Variants in NUBPL observed in about 807,000 individuals in gnomAD.
NUBPL encodes the protein NUBP iron-sulfur cluster assembly factor, mitochondrial.
A neutral mutation model predicts 45.7 loss-of-function variants in NUBPL; 31 were observed. That is an observed-to-expected ratio of 0.68 (90% confidence interval 0.51 to 0.92). The LOEUF is 0.92. Ranked by LOEUF, NUBPL falls within the 40% of genes least tolerant of loss-of-function variation. The pLI, the probability that NUBPL is intolerant of heterozygous loss-of-function variation, is 0.00. For missense variants in NUBPL, 401 were observed against 398.7 expected (o/e 1.01, Z -0.05); for synonymous variants, 144 against 140.9 (o/e 1.02, Z -0.15).
chr14:31,791,483 A>C (rs1468960937), intron 7 of NUBPL, among the ~76,000 whole-genome samples: 2 of 152,128 alleles, frequency 1.3e-5, no homozygotes, highest in African/African-American at 4.8e-5. Context: ...AATTTGATGA[A>C]AACTCTGGAT....
chr14:31,569,740 A>G (rs141645805), intron 3 of NUBPL, among the ~76,000 whole-genome samples: 2 of 152,204 alleles, frequency 1.3e-5, no homozygotes, highest in African/African-American at 4.8e-5. Context: ...TCATGTTGTT[A>G]GCTTGAAATA....
chr14:31,832,716 A>G (rs1315664509), intron 8 of NUBPL, among the ~76,000 whole-genome samples: 1 of 152,222 alleles, frequency 6.6e-6, no homozygotes, highest in Non-Finnish European at 1.5e-5. Flanking sequence ...ATAGGAAACT[A>G]CTTGCAGAGG....
At chr14:31,582,796 T>G (rs1566427243) in intron 3 of NUBPL, among the ~76,000 whole-genome samples, 1 of 152,100 alleles carries the variant, frequency 6.6e-6, no homozygotes, top group African/African-American at 2.4e-5. Flanking sequence ...ATAGTAGAAA[T>G]TGTTTTGTAA....
intron 4 of NUBPL, among the ~76,000 whole-genome samples, chr14:31,637,615 C>T (rs1312572696): frequency 6.6e-6 from 1 of 152,112 alleles, no homozygotes; most frequent in Non-Finnish European, 1.5e-5. Context: ...CCACTTGGTG[C>T]AGAGCTGAGT....
intron 6 of NUBPL, among the ~76,000 whole-genome samples, chr14:31,759,808 A>G (rs2038758305): frequency 6.6e-6 from 1 of 151,004 alleles, no homozygotes; most frequent in African/African-American, 2.4e-5. Context: ...TATTCAGTAC[A>G]TTACATGAGA....
rs1158198241 is a variant in NUBPL at position 31,798,357 on chromosome 14, T to C, written c.607+10484T>C. 2.0e-5 allele frequency among the ~76,000 whole-genome samples: 3 copies of C among 149,236 alleles called. No homozygotes were observed. The Admixed American group carries it at 2.1e-4, about 10-fold the overall frequency. Reference sequence around the variant, plus strand: ...ATATAATATCCATGTGGTCAGTTGATGCCTTTTAGTATTCCCTTTGTTTTA... The same window carrying C: ...ATATAATATCCATGTGGTCAGTTGACGCCTTTTAGTATTCCCTTTGTTTTA... On this transcript the variant is annotated intron_variant, in intron 7 of 10. Coordinates refer to ENST00000281081, the MANE Select transcript of NUBPL (RefSeq NM_025152.3).
In NUBPL at chr14:31,859,617, T is replaced by C. The variant is rs774768075; in HGVS notation, c.*437T>C. ...TCTTTGAATCCTGTCTTTGGTACTG[T>C]CTTGGACATGTTCTTAATATGAACC... On this transcript the variant is annotated 3_prime_UTR_variant, in exon 11 of 11. Transcript: ENST00000281081. The C allele has an allele frequency of 3.4e-5, 9 of 261,550 alleles. No individual in the cohort carries two copies. The highest frequency in any genetic ancestry group is 6.7e-5 in the Non-Finnish European group (9 of 133,992). 16.2% of individuals were successfully genotyped at this position (261,550 alleles called of 1,614,324 possible). A position where few individuals can be genotyped will look rare whatever the true frequency, so the allele number is the denominator to read the frequency against.
rs776389264 is a variant in NUBPL, at chr14:31,565,038, C to T, written c.281C>T (p.Ala94Val). The part of the protein sequence containing the change: ...TAVNLALALA[A>V]NDSSKAIGLL... ...GTGAATCTTGCACTTGCACTAGCAG[C>T]GAACGATTCGGTAGGTGTTTATTAA... Residue 94 changes from alanine (A) to valine (V), a missense_variant, in exon 3 of 11, where the codon GCG (alanine) becomes GTG (valine). By Grantham distance (64) the Ala-to-Val change is moderately conservative. Coordinates refer to ENST00000281081, the MANE Select transcript of NUBPL (RefSeq NM_025152.3). 8.4e-6 allele frequency: 13 copies of T among 1,549,306 alleles called. No individual in the cohort carries two copies. Among genetic ancestry groups the T allele is most frequent in the South Asian group, 7.3e-5 (6 of 82,626 alleles).
intron 4 of NUBPL, among the ~76,000 whole-genome samples, chr14:31,662,751 A>G (rs535954206): frequency 1.2e-4 from 19 of 152,314 alleles, no homozygotes; most frequent in South Asian, 4.1e-4. Flanking sequence ...GCTATTGTCA[A>G]TAGTGCTGCA....
At chr14:31,688,326 C>A (rs2139852779) in intron 6 of NUBPL, among the ~76,000 whole-genome samples, 1 of 152,040 alleles carries the variant, frequency 6.6e-6, no homozygotes. Context: ...GCCTGTAATC[C>A]CAGCACTTTG....
chr14:31,777,360 G>A (rs2039115359), intron 6 of NUBPL, among the ~76,000 whole-genome samples: 1 of 152,144 alleles, frequency 6.6e-6, no homozygotes, highest in Admixed American at 6.5e-5. Context: ...CCAATTGAAC[G>A]ACTAGAGTCT....
At chr14:31,802,279 CTTCTTCT>C (rs2039605157) in intron 7 of NUBPL, among the ~76,000 whole-genome samples, 2 of 34,616 alleles carry the variant, frequency 5.8e-5, no homozygotes, top group South Asian at 2.8e-3. Context: ...TCTTCTTCTT[CTTCTTCT>C]TTTTTTTTTT....
chr14:31,782,560 G>A (rs978056665), intron 6 of NUBPL, among the ~76,000 whole-genome samples: 7 of 152,278 alleles, frequency 4.6e-5, no homozygotes, highest in Admixed American at 1.3e-4. Flanking sequence ...GGAGGCCAAG[G>A]TAGGCATATC....
chr14:31,691,210 C>G (rs968036410), intron 6 of NUBPL, among the ~76,000 whole-genome samples: 10 of 152,228 alleles, frequency 6.6e-5, no homozygotes, highest in Non-Finnish European at 1.3e-4. Context: ...CCTCAGCCTA[C>G]TCAATGTGAA....
At chr14:31,590,457 A>C (rs893016836) in intron 3 of NUBPL, among the ~76,000 whole-genome samples, 1 of 152,176 alleles carries the variant, frequency 6.6e-6, no homozygotes, top group Non-Finnish European at 1.5e-5. Context: ...TGTGGGTTTC[A>C]AAACCAGCTG....
chr14:31,798,081 G>T (rs1264552446), intron 7 of NUBPL, among the ~76,000 whole-genome samples: 1 of 151,660 alleles, frequency 6.6e-6, no homozygotes, highest in South Asian at 2.1e-4. Context: ...CTTCTGGCTT[G>T]TAGGGTTTCT....
chr14:31,599,503 A>G (rs1463047084), intron 4 of NUBPL, 124 bp downstream of exon 4: 3 of 675,376 alleles, frequency 4.4e-6, no homozygotes, highest in African/African-American at 1.8e-5. Flanking sequence ...TCCTCACTTA[A>G]GTTAGTAGAT....
chr14:31,683,036 G>GA (rs1303790191), intron 6 of NUBPL, among the ~76,000 whole-genome samples: 1 of 45,656 alleles, frequency 2.2e-5, no homozygotes, highest in Non-Finnish European at 4.4e-5. Flanking sequence ...TTTTTTTTTT[G>GA]ACAACGAGCT....
At chr14:31,666,259 ATATAAT>A (rs2036418486) in intron 4 of NUBPL, among the ~76,000 whole-genome samples, 1 of 19,386 alleles carries the variant, frequency 5.2e-5, no homozygotes, top group African/African-American at 2.0e-4. Flanking sequence ...ATATATATAT[ATATAAT>A]TTTATTTTAT....
Sources: allele counts gnomAD v4.1 joint callset (sites outside exome capture counted in the v4.1 genomes callset), GRCh38; gene constraint gnomAD v4.1.1; transcripts MANE v1.5; gene names NCBI Gene and HGNC (gene_info 2026-07-23, HGNC 2026-07-21).